The following SPOCK3 variants were observed in gnomAD, a reference collection of about 807,000 sequenced individuals.
SPOCK3 encodes the protein SPARC (osteonectin), cwcv and kazal like domains proteoglycan 3.
A neutral mutation model predicts 56.6 loss-of-function variants in SPOCK3; 30 were observed. That is an observed-to-expected ratio of 0.53 (90% confidence interval 0.40 to 0.72). The LOEUF is 0.72. Among genes scored for constraint, SPOCK3 ranks in the 30% least tolerant of loss-of-function variants. The probability of loss-of-function intolerance (pLI) is 0.00; values close to 1 mark genes in which losing one functional copy is unlikely to be tolerated. For synonymous variants in SPOCK3, 196 were observed against 183.3 expected, an observed-to-expected ratio of 1.07 and a Z score of -0.56; for missense variants, 527 against 530.0, an observed-to-expected ratio of 0.99 and a Z score of 0.06.
chr4:167,065,957 A>T (rs1211327570), intron 2 of SPOCK3, among the ~76,000 whole-genome samples: 1 of 151,854 alleles, frequency 6.6e-6, no homozygotes, highest in Non-Finnish European at 1.5e-5. Context: ...GCAAAGTTGG[A>T]TTATTGTCAC....
At chr4:166,848,192 G>A (rs1004043569) in intron 6 of SPOCK3, among the ~76,000 whole-genome samples, 1 of 152,126 alleles carries the variant, frequency 6.6e-6, no homozygotes, top group Non-Finnish European at 1.5e-5. Flanking sequence ...TGCTCATATT[G>A]CAAGTTACTT....
intron 6 of SPOCK3, among the ~76,000 whole-genome samples, chr4:166,884,267 G>T: frequency 6.6e-6 from 1 of 151,766 alleles, no homozygotes; most frequent in East Asian, 1.9e-4. Context: ...GCAGGAGGAT[G>T]GCGTGAACCC....
chr4:167,094,772 T>C (rs938598949), intron 2 of SPOCK3, among the ~76,000 whole-genome samples: 1 of 152,154 alleles, frequency 6.6e-6, no homozygotes. Flanking sequence ...GTATTTTCTA[T>C]ATACAAGACA....
chr4:166,896,343 C>T (rs1735380551), intron 5 of SPOCK3, among the ~76,000 whole-genome samples: 1 of 152,094 alleles, frequency 6.6e-6, no homozygotes, highest in Admixed American at 6.6e-5. Flanking sequence ...GCTAATGGAC[C>T]CTCCAGCAGC....
intron 4 of SPOCK3, among the ~76,000 whole-genome samples, chr4:166,937,907 GC>G (rs1456045125): frequency 6.8e-6 from 1 of 147,922 alleles, no homozygotes. Flanking sequence ...GGGACTACAG[GC>G]ACCCGCCACC....
chr4:167,029,559 T>G (rs1471506790), intron 3 of SPOCK3, among the ~76,000 whole-genome samples: 1 of 152,110 alleles, frequency 6.6e-6, no homozygotes, highest in Non-Finnish European at 1.5e-5. Flanking sequence ...AATACAGAAT[T>G]GTAGATTGTA....
intron 2 of SPOCK3, among the ~76,000 whole-genome samples, chr4:167,227,563 G>C (rs1736713481): frequency 6.6e-6 from 1 of 151,934 alleles, no homozygotes; most frequent in African/African-American, 2.4e-5. Flanking sequence ...GTAGCTGTAG[G>C]GAGTTCACAG....
chr4:167,184,410 G>T (rs557639555), intron 2 of SPOCK3, among the ~76,000 whole-genome samples: 2 of 152,118 alleles, frequency 1.3e-5, no homozygotes, highest in South Asian at 4.2e-4. Flanking sequence ...GTACTCTGTC[G>T]TATCCAGCAA....
intron 3 of SPOCK3, among the ~76,000 whole-genome samples, chr4:167,060,348 C>G (rs770603069): frequency 1.9e-4 from 29 of 150,668 alleles, no homozygotes; most frequent in African/African-American, 4.4e-4. Flanking sequence ...AAGGAAGAGT[C>G]TGTCACCAAG....
intron 7 of SPOCK3, among the ~76,000 whole-genome samples, chr4:166,782,097 T>C (rs1740241243): frequency 6.6e-6 from 1 of 152,144 alleles, no homozygotes; most frequent in African/African-American, 2.4e-5. Flanking sequence ...CTTGTTTGTT[T>C]TGGGAACATT....
At chr4:167,136,621 A>G (rs1307579231) in intron 2 of SPOCK3, among the ~76,000 whole-genome samples, 2 of 152,124 alleles carry the variant, frequency 1.3e-5, no homozygotes, top group Non-Finnish European at 2.9e-5. Flanking sequence ...TTTATTTTTT[A>G]TGAATCTTTG....
intron 9 of SPOCK3, among the ~76,000 whole-genome samples, chr4:166,738,416 TTTTATTTA>T (rs58341590): frequency 1.4e-4 from 16 of 113,872 alleles, no homozygotes; most frequent in East Asian, 9.9e-4. Context: ...GATAAATATT[TTTTATTTA>T]TTTATTTATT....
At chr4:167,228,679 C>A (rs541455867) in intron 2 of SPOCK3, among the ~76,000 whole-genome samples, 1 of 152,180 alleles carries the variant, frequency 6.6e-6, no homozygotes, top group African/African-American at 2.4e-5. Context: ...GCTGTGATCA[C>A]GGCTTAACTA....
At chr4:166,826,891 G>A (rs536563681) in intron 6 of SPOCK3, among the ~76,000 whole-genome samples, 1 of 152,150 alleles carries the variant, frequency 6.6e-6, no homozygotes, top group Admixed American at 6.6e-5. Context: ...GAATCAGATT[G>A]TCCAGTCTTA....
At chr4:166,922,802 A>G (rs1214785855) in intron 4 of SPOCK3, among the ~76,000 whole-genome samples, 3 of 152,200 alleles carry the variant, frequency 2.0e-5, no homozygotes. Context: ...TATTGCATAT[A>G]AGTTGAATTT....
At chr4:166,988,327 G>A (rs1264092551) in intron 4 of SPOCK3, among the ~76,000 whole-genome samples, 2 of 152,020 alleles carry the variant, frequency 1.3e-5, no homozygotes, top group Non-Finnish European at 1.5e-5. Context: ...AGACTCTACT[G>A]GATGCTTTCT....
chr4:167,138,954 T>G lies in SPOCK3; in HGVS notation c.190-76417A>C, dbSNP rs143282596. 3.3e-5 allele frequency among the ~76,000 whole-genome samples: 5 copies of G among 152,066 alleles called. No homozygotes were observed. In the East Asian group the frequency reaches 9.7e-4, roughly 29 times the overall value. ...TAATATGATTTATCATTAAAGTAAT[T>G]CATTAAAATTTTAACAACAATAAAA... On this transcript the variant is annotated intron_variant, in intron 2 of 10. Coordinates refer to ENST00000357545, the MANE Select transcript of SPOCK3 (RefSeq NM_001040159.2).
chr4:166,835,649 C>T (rs1410959498), intron 6 of SPOCK3, among the ~76,000 whole-genome samples: 1 of 151,942 alleles, frequency 6.6e-6, no homozygotes, highest in Non-Finnish European at 1.5e-5. Flanking sequence ...CGTTGTTTAT[C>T]CTTTGTAGAC....
chr4:167,212,797 T>C (rs1046814037), intron 2 of SPOCK3, among the ~76,000 whole-genome samples: 1 of 152,196 alleles, frequency 6.6e-6, no homozygotes, highest in Non-Finnish European at 1.5e-5. Flanking sequence ...ATTGATAAAG[T>C]ACATTTTTCC....
Sources: allele counts gnomAD v4.1 joint callset (sites outside exome capture counted in the v4.1 genomes callset), GRCh38; gene constraint gnomAD v4.1.1; transcripts MANE v1.5; gene names NCBI Gene and HGNC (gene_info 2026-07-23, HGNC 2026-07-21).